The following PATJ variants were observed in gnomAD, a reference collection of about 807,000 sequenced individuals.
The protein encoded by PATJ is inaD-like protein.
A neutral mutation model predicts 224.9 loss-of-function variants in PATJ; 190 were observed. The ratio of observed to expected loss-of-function variants is 0.84; its 90% CI spans 0.75 to 0.95. The LOEUF is 0.95. Ranked by LOEUF, PATJ falls within the 40% of genes least tolerant of loss-of-function variation. The pLI, the probability that PATJ is intolerant of heterozygous loss-of-function variation, is 0.00. For synonymous variants in PATJ, 769 were observed against 820.3 expected, an observed-to-expected ratio of 0.94 and a Z score of 1.07; for missense variants, 2,121 against 2,270.3, an observed-to-expected ratio of 0.93 and a Z score of 1.34.
intron 16 of PATJ, 26 bp downstream of exon 16, chr1:61,827,609 C>T (rs1477947729): frequency 6.2e-7 from 1 of 1,600,496 alleles, no homozygotes; most frequent in Non-Finnish European, 8.5e-7. Flanking sequence ...AGTGCATTTC[C>T]CATAGGCATG....
In PATJ at chr1:61,965,994, C is replaced by T. The variant is rs192015890; in HGVS notation, c.3671-24174C>T. Among the ~76,000 whole-genome samples the T allele has an allele frequency of 1.7e-3, 262 of 152,314 alleles. 1 individual carries two copies. Among genetic ancestry groups the T allele is most frequent in the African/African-American group, 6.0e-3 (251 of 41,576 alleles). ...TTGGCTCACCACAACTTCCGCCTCC[C>T]ATGTTCAAGGGATTCTCTTGCCTCA... On this transcript the variant is annotated intron_variant, in intron 27 of 43. Transcript: ENST00000642238.
intron 31 of PATJ, among the ~76,000 whole-genome samples, chr1:62,063,540 A>G (rs2148654549): frequency 6.6e-6 from 1 of 152,106 alleles, no homozygotes; most frequent in Non-Finnish European, 1.5e-5. Context: ...TACTTTTGTG[A>G]AAAGTGATAT....
chr1:62,037,387 C>G (rs10127799), intron 29 of PATJ, among the ~76,000 whole-genome samples: 9,730 of 152,102 alleles, frequency 0.064, 1,015 homozygotes, highest in African/African-American at 0.22. Context: ...CTGCCATCTA[C>G]TCTACTCCAT....
At chr1:61,817,453 CAG>C (rs1557698220) in intron 14 of PATJ, among the ~76,000 whole-genome samples, 1 of 152,108 alleles carries the variant, frequency 6.6e-6, no homozygotes, top group Non-Finnish European at 1.5e-5. Context: ...CACCTGAGGT[CAG>C]GGGTTCAAGA....
At chr1:62,128,216 C>T in intron 40 of PATJ, 122 bp downstream of exon 40, 2 of 1,026,692 alleles carry the variant, frequency 1.9e-6, no homozygotes, top group South Asian at 3.1e-5. Flanking sequence ...AGGCTGAGGG[C>T]AAGATGCATT....
chr1:61,965,170 C>G (rs1412482251), intron 27 of PATJ, among the ~76,000 whole-genome samples: 1 of 111,632 alleles, frequency 9.0e-6, no homozygotes, highest in Non-Finnish European at 1.8e-5. Flanking sequence ...AAGGAGCCTT[C>G]ATGTGTAGAG....
intron 22 of PATJ, among the ~76,000 whole-genome samples, chr1:61,894,161 G>C (rs1670001648): frequency 6.6e-6 from 1 of 151,932 alleles, no homozygotes. Flanking sequence ...GGCTGAGGCA[G>C]GAGAATGGCT....
At chr1:61,890,926 G>A (rs183811097) in intron 22 of PATJ, among the ~76,000 whole-genome samples, 40 of 152,236 alleles carry the variant, frequency 2.6e-4, no homozygotes, top group Admixed American at 7.8e-4. Context: ...ACGTTTAATA[G>A]AAGGTTTGCA....
At chr1:61,842,460 C>T (rs533708410) in intron 17 of PATJ, among the ~76,000 whole-genome samples, 7 of 152,206 alleles carry the variant, frequency 4.6e-5, no homozygotes, top group South Asian at 2.1e-4. Flanking sequence ...CCTTTTAACA[C>T]GTGTTTATCC....
chr1:62,050,811 T>G (rs1653464573), intron 30 of PATJ, among the ~76,000 whole-genome samples, 155 bp from the exon 31 acceptor site: 1 of 152,148 alleles, frequency 6.6e-6, no homozygotes, highest in Admixed American at 6.5e-5. Context: ...CAAAACAGTC[T>G]TCTGCTAGAA....
chr1:61,865,541 G>A (rs1219212880), intron 20 of PATJ: 3 of 152,104 alleles, frequency 2.0e-5, no homozygotes, highest in Non-Finnish European at 1.5e-5. Flanking sequence ...ACTGTGCCCA[G>A]CGAAGAGCAT....
intron 43 of PATJ, 56 bp from the exon 44 acceptor site, chr1:62,160,852 A>G: frequency 6.3e-7 from 1 of 1,585,428 alleles, no homozygotes; most frequent in African/African-American, 1.3e-5. Context: ...TTTAATATCA[A>G]TTTAATATAA....
chr1:61,877,432 G>A (rs560123776), intron 21 of PATJ, among the ~76,000 whole-genome samples: 2 of 151,876 alleles, frequency 1.3e-5, no homozygotes, highest in South Asian at 4.2e-4. Context: ...TTGGCTCTGT[G>A]TCCCCACTCA....
At position 61,827,541 on chromosome 1, in the gene PATJ, A is replaced by G. The variant is rs758327901; in HGVS notation, c.1938A>G (p.Val646=). The change falls in exon 16 of 44, where the codon GTA becomes GTG. Residue 646 remains valine (V), a synonymous_variant. Transcript: ENST00000642238. ...GGTTGTTTGATGATGAAGCTTCTGTAGATGAACCAAGGCGCACTGAAACCT... is the reference window on the plus strand; with the variant it reads ...GGTTGTTTGATGATGAAGCTTCTGTGGATGAACCAAGGCGCACTGAAACCT... The part of the protein sequence containing the change: ...CRRLFDDEAS[V]DEPRRTETSL... The G allele has an allele frequency of 3.1e-6, 5 of 1,614,096 alleles. No homozygotes were observed. The Admixed American group carries it at 8.3e-5, about 27-fold the overall frequency.
chr1:61,789,307 AAAAT>A (rs926165976), intron 8 of PATJ, among the ~76,000 whole-genome samples: 4 of 150,200 alleles, frequency 2.7e-5, no homozygotes, highest in Admixed American at 6.7e-5. Flanking sequence ...CTCTATTAAA[AAAAT>A]AAATAAATAA....
intron 1 of PATJ, among the ~76,000 whole-genome samples, chr1:61,752,725 T>G (rs962625986): frequency 7.2e-5 from 11 of 152,246 alleles, no homozygotes; most frequent in African/African-American, 1.9e-4. Flanking sequence ...TCAACTTCAA[T>G]TTCAACATTT....
intron 33 of PATJ, among the ~76,000 whole-genome samples, chr1:62,090,387 A>T (rs891492269): frequency 2.6e-5 from 4 of 152,256 alleles, no homozygotes; most frequent in African/African-American, 9.6e-5. Flanking sequence ...TTGTCCTAGA[A>T]GAGCTCACAC....
rs371500161 is a variant in PATJ at position 62,139,175 on chromosome 1, C to T, written c.5272-9109C>T. The stretch of plus-strand genomic sequence containing the variant: ...CAGCACTTTGAGAGGCCGAGGCAGG[C>T]GGATCACGTGAGGTTGGGAGTTTAA... On this transcript the variant is annotated intron_variant, in intron 41 of 43. Transcript: ENST00000642238. 1.9e-3 allele frequency among the ~76,000 whole-genome samples: 286 copies of T among 152,028 alleles called. 2 individuals are homozygous for T. Among genetic ancestry groups the T allele is most frequent in the African/African-American group, 6.3e-3 (260 of 41,454 alleles).
At chr1:61,886,127 T>C (rs11207853) in intron 22 of PATJ, among the ~76,000 whole-genome samples, 149,361 of 151,660 alleles carry the variant, frequency 0.98, 73,588 homozygotes, top group East Asian at 1. Context: ...TGTATACATA[T>C]GTAACTAAAC....
Sources: gnomAD v4.1 joint callset for allele counts (sites outside exome capture counted in the v4.1 genomes callset) on GRCh38, gnomAD v4.1.1 for gene constraint, MANE v1.5 for transcripts, NCBI Gene and HGNC (gene_info 2026-07-23, HGNC 2026-07-21) for gene names.